SLC38A3: variants seen among roughly 807,000 people sequenced by gnomAD.
The protein encoded by SLC38A3 is solute carrier family 38 member 3.
In SLC38A3, 17 loss-of-function variants were observed where a neutral mutation model predicts 59.5. The observed-to-expected ratio is 0.29, with a 90% CI of 0.20 to 0.43. The LOEUF (loss-of-function observed/expected upper bound fraction) is 0.43, where lower values mean the gene tolerates loss of function less well. Among genes scored for constraint, SLC38A3 ranks in the 20% least tolerant of loss-of-function variants. The pLI, the probability that SLC38A3 is intolerant of heterozygous loss-of-function variation, is 1.00. For synonymous variants in SLC38A3, 238 were observed against 260.3 expected (o/e 0.91, Z 0.82); for missense variants, 454 against 653.9 (o/e 0.69, Z 3.33).
chr3:50,212,296 G>T (rs1699742581), intron 1 of SLC38A3, among the ~76,000 whole-genome samples: 1 of 152,202 alleles, frequency 6.6e-6, no homozygotes, highest in Non-Finnish European at 1.5e-5. Context: ...GTCCCAGCCT[G>T]CCCAGGGCAG....
At chr3:50,205,498 C>G (rs1373191126) in intron 1 of SLC38A3, 150 bp downstream of exon 1, 11 of 152,556 alleles carry the variant, frequency 7.2e-5, no homozygotes, top group Admixed American at 7.2e-4. Flanking sequence ...GAGCCAAAGC[C>G]CCGCGCGCTC....
chr3:50,215,429 C>T lies in SLC38A3; in HGVS notation c.343C>T (p.His115Tyr), dbSNP rs746388179. Residue 115 changes from histidine (H) to tyrosine (Y), a missense_variant, in exon 5 of 16, where the codon CAC becomes TAC. Transcript: ENST00000614032. The surrounding 1 kb of genome is among the most constrained non-coding windows in gnomAD (Gnocchi z 7.1). ...CGCCTTGCTCTCCAGCTACTCCATC[C>T]ACCTGCTACTCAAGTCCTCAGGGGT... ...AVALLSSYSI[H>Y]LLLKSSGVVG... 3 of 1,614,020 alleles carry T rather than the reference C, an allele frequency of 1.9e-6. No homozygotes were observed. Among genetic ancestry groups the T allele is most frequent in the Non-Finnish European group, 2.5e-6 (3 of 1,179,882 alleles).
rs1699811060 is a variant in SLC38A3 at position 50,215,864 on chromosome 3, G to T, written c.548+43G>T. On this transcript the variant is annotated intron_variant, in intron 7 of 15. Coordinates refer to ENST00000614032, the MANE Select transcript of SLC38A3 (RefSeq NM_006841.6). The surrounding 1 kb of genome is among the most constrained non-coding windows in gnomAD (Gnocchi z 7.1). ...GAGGGGAGGGGAGGGGTGCGGTGCAGTGAGGAGGGGTGGGGTGGGGTGGGG... is the reference window on the plus strand; with the variant it reads ...GAGGGGAGGGGAGGGGTGCGGTGCATTGAGGAGGGGTGGGGTGGGGTGGGG... The T allele has an allele frequency of 1.4e-6, 1 of 727,288 alleles. No individual in the cohort carries two copies. Among genetic ancestry groups the T allele is most frequent in the Non-Finnish European group, 2.4e-6 (1 of 422,108 alleles). 45.1% of individuals were successfully genotyped at this position (727,288 alleles called of 1,614,324 possible).
In SLC38A3 at chr3:50,218,069, A is replaced by T; in HGVS notation, c.935+73A>T. On this transcript the variant is annotated intron_variant, in intron 11 of 15. Coordinates refer to ENST00000614032, the MANE Select transcript of SLC38A3 (RefSeq NM_006841.6). The surrounding 1 kb of genome is among the most constrained non-coding windows in gnomAD (Gnocchi z 5.8). ...TTGGGGAGAATGGATGTGGTCCTGA[A>T]TGTGGAGAGGGGAGTGACAGGAGCC... 2.7e-6 allele frequency: 4 copies of T among 1,462,534 alleles called. No homozygotes were observed. The highest frequency in any genetic ancestry group is 1.8e-5 in the Admixed American group (1 of 55,716). The allele number at this position is 1,462,534 out of a possible 1,614,324, so 90.6% of individuals were successfully genotyped here.
chr3:50,218,221 C>T lies in SLC38A3; in HGVS notation c.936-49C>T. On this transcript the variant is annotated intron_variant, in intron 11 of 15. Coordinates refer to ENST00000614032, the MANE Select transcript of SLC38A3 (RefSeq NM_006841.6). This position sits in a 1 kb window ranked among gnomAD's most constrained non-coding sequence, Gnocchi z 5.8. ...GAGCTTGGGGCACATGGGGGTCTCCCAATGTTACCCAGCTTGTCACCAACA... is the reference window on the plus strand; with the variant it reads ...GAGCTTGGGGCACATGGGGGTCTCCTAATGTTACCCAGCTTGTCACCAACA... 1 of 1,353,216 alleles carries T rather than the reference C, an allele frequency of 7.4e-7. No homozygotes were observed. Among genetic ancestry groups the T allele is most frequent in the South Asian group, 1.2e-5 (1 of 85,424 alleles). The allele number at this position is 1,353,216 out of a possible 1,614,324, so 83.8% of individuals were successfully genotyped here. A position where few individuals can be genotyped will look rare whatever the true frequency, so the allele number is the denominator to read the frequency against.
intron 7 of SLC38A3, among the ~76,000 whole-genome samples, chr3:50,216,346 A>G (rs1483867657): frequency 6.6e-6 from 1 of 152,194 alleles, no homozygotes; most frequent in Non-Finnish European, 1.5e-5. Flanking sequence ...CAAGAGGGAG[A>G]GCCAGGATTC....
rs587662413 is a variant in SLC38A3 at position 50,218,384 on chromosome 3, G to A, written c.1036+14G>A. On this transcript the variant is annotated intron_variant, in intron 12 of 15. Transcript: ENST00000614032. The surrounding 1 kb of genome is among the most constrained non-coding windows in gnomAD (Gnocchi z 5.8). The stretch of plus-strand genomic sequence containing the variant: ...TCACCTTCTACAGTACGGTGGCACC[G>A]GTGGGCAGAGGCCTAGGCTAGGCTG... 177 of 1,579,490 alleles carry A rather than the reference G, an allele frequency of 1.1e-4. No individual in the cohort carries two copies. The highest frequency in any genetic ancestry group is 1.3e-4 in the Non-Finnish European group (154 of 1,148,488).
chr3:50,216,171 C>A (rs587674349), intron 7 of SLC38A3, among the ~76,000 whole-genome samples: 13 of 152,348 alleles, frequency 8.5e-5, no homozygotes, highest in African/African-American at 1.9e-4. Flanking sequence ...GGTTGCCCCC[C>A]CCAACCAAGA....
At chr3:50,206,717 C>T (rs1699652328) in intron 1 of SLC38A3, among the ~76,000 whole-genome samples, 5 of 152,308 alleles carry the variant, frequency 3.3e-5, no homozygotes, top group Admixed American at 2.6e-4. Context: ...GAGCAGGGGG[C>T]TGAATCTCTG....
chr3:50,218,185 G>A lies in SLC38A3; in HGVS notation c.936-85G>A. 8.8e-7 allele frequency: 1 copy of A among 1,130,052 alleles called. No individual in the cohort carries two copies. Among genetic ancestry groups the A allele is most frequent in the Non-Finnish European group, 1.3e-6 (1 of 745,860 alleles). 70.0% of individuals were successfully genotyped at this position (1,130,052 alleles called of 1,614,324 possible). The stretch of plus-strand genomic sequence containing the variant: ...CTCAGATGCTGAATGGTGAAAGTAT[G>A]GTGCCAGAGAGAGCTTGGGGCACAT... On this transcript the variant is annotated intron_variant, in intron 11 of 15. Coordinates refer to ENST00000614032, the MANE Select transcript of SLC38A3 (RefSeq NM_006841.6). The surrounding 1 kb of genome is among the most constrained non-coding windows in gnomAD (Gnocchi z 5.8).
Position 50,214,150 on chromosome 3 carries a change from C to T in SLC38A3, c.-50C>T. The T allele has an allele frequency of 6.4e-7, 1 of 1,561,140 alleles. No individual in the cohort carries two copies. The highest frequency in any genetic ancestry group is 1.1e-5 in the South Asian group (1 of 88,180). On this transcript the variant is annotated splice_region_variant and 5_prime_UTR_variant, in exon 2 of 16. Coordinates refer to ENST00000614032, the MANE Select transcript of SLC38A3 (RefSeq NM_006841.6). The surrounding 1 kb of genome is among the most constrained non-coding windows in gnomAD (Gnocchi z 6.0). ...CCAGAGGGACCGGCTGCTCTGCAGA[C>T]ATCTGACTGTTGGTGTGAGACCAGT...
chr3:50,219,750 C>A, intron 14 of SLC38A3, 131 bp from the exon 15 acceptor site: 1 of 721,152 alleles, frequency 1.4e-6, no homozygotes, highest in Non-Finnish European at 2.4e-6. Context: ...TAGAATCAGG[C>A]AGAGCTCTCC....
intron 14 of SLC38A3, 113 bp downstream of exon 14, chr3:50,219,061 C>T (rs892884218): frequency 5.9e-5 from 79 of 1,334,914 alleles, no homozygotes; most frequent in Non-Finnish European, 7.5e-5. Context: ...TGGCCATGTG[C>T]ACAGTTTGGC....
intron 1 of SLC38A3, among the ~76,000 whole-genome samples, chr3:50,209,307 G>T (rs1024757504): frequency 6.6e-6 from 1 of 152,196 alleles, no homozygotes; most frequent in Non-Finnish European, 1.5e-5. Context: ...GGGAAGGGAG[G>T]CTGAGGTGCC....
chr3:50,217,379 G>A lies in SLC38A3; in HGVS notation c.632-36G>A, dbSNP rs1024071974. ...TGTTGGAGGCATACACCATGGGAGG[G>A]GCCCCAGGTCTCAGAGTGCTCCCTC... On this transcript the variant is annotated intron_variant, in intron 8 of 15. Coordinates refer to ENST00000614032, the MANE Select transcript of SLC38A3 (RefSeq NM_006841.6). The surrounding 1 kb of genome is among the most constrained non-coding windows in gnomAD (Gnocchi z 4.9). 3.7e-6 allele frequency: 6 copies of A among 1,611,890 alleles called. No homozygotes were observed. In the Admixed American group the frequency reaches 8.4e-5, roughly 22 times the overall value.
At chr3:50,208,605 A>G (rs888734949) in intron 1 of SLC38A3, among the ~76,000 whole-genome samples, 1 of 151,550 alleles carries the variant, frequency 6.6e-6, no homozygotes, top group African/African-American at 2.4e-5. Flanking sequence ...CTCTTCCTCC[A>G]TTTGGCTGTC....
rs543711823 is a variant in SLC38A3, at chr3:50,212,839, G to A, written c.-51-1310G>A. 3.9e-5 allele frequency among the ~76,000 whole-genome samples: 6 copies of A among 152,324 alleles called. 1 individual carries two copies. In the South Asian group the frequency reaches 1.2e-3, roughly 32 times the overall value. The stretch of plus-strand genomic sequence containing the variant: ...GCAGACCTGAGACCATCAGGGGCCG[G>A]AGTGGGGATGGGGGGTTCAGGGCAG... On this transcript the variant is annotated intron_variant, in intron 1 of 15. Transcript: ENST00000614032.
chr3:50,209,667 A>C (rs1217958535), intron 1 of SLC38A3, among the ~76,000 whole-genome samples: 2 of 151,862 alleles, frequency 1.3e-5, no homozygotes, highest in African/African-American at 4.8e-5. Context: ...AAAACAAGAA[A>C]AAAAAAGAAA....
At chr3:50,219,065 G>T in intron 14 of SLC38A3, 117 bp downstream of exon 14, 1 of 1,313,536 alleles carries the variant, frequency 7.6e-7, no homozygotes, top group Non-Finnish European at 1.0e-6. Flanking sequence ...CATGTGCACA[G>T]TTTGGCCTTC....
Sources: gnomAD v4.1 joint callset for allele counts (sites outside exome capture counted in the v4.1 genomes callset) on GRCh38, gnomAD v4.1.1 for gene constraint, Gnocchi (gnomAD v3.1) non-coding constraint, MANE v1.5 for transcripts, NCBI Gene and HGNC (gene_info 2026-07-23, HGNC 2026-07-21) for gene names.